The following HS1BP3 variants were observed in gnomAD, a reference collection of about 807,000 sequenced individuals.
HS1BP3 encodes the protein HCLS1 binding protein 3.
In HS1BP3, 32 loss-of-function variants were observed where a neutral mutation model predicts 33.5. The ratio of observed to expected loss-of-function variants is 0.95; its 90% CI spans 0.72 to 1.28. The LOEUF (loss-of-function observed/expected upper bound fraction) is 1.28. Ranked by LOEUF, HS1BP3 falls within the 50% of genes most tolerant of loss-of-function variation. The pLI is 0.00. For synonymous variants in HS1BP3, 187 were observed against 209.2 expected, an observed-to-expected ratio of 0.89 and a Z score of 0.92; for missense variants, 486 against 502.3, an observed-to-expected ratio of 0.97 and a Z score of 0.31.
At chr2:20,581,245 C>T (rs943834325) in intron 5 of HS1BP3, among the ~76,000 whole-genome samples, 1 of 152,218 alleles carries the variant, frequency 6.6e-6, no homozygotes, top group Non-Finnish European at 1.5e-5. Context: ...CGAAGCCTTC[C>T]ATTTATCTCA....
chr2:20,566,044 T>C (rs1437903401), intron 5 of HS1BP3, among the ~76,000 whole-genome samples: 2 of 152,166 alleles, frequency 1.3e-5, no homozygotes, highest in East Asian at 3.9e-4. Context: ...TCCACCAAGG[T>C]CGCAGTTAGC....
In HS1BP3 at chr2:20,623,737, G is replaced by A. The variant is rs529687830; in HGVS notation, c.920+159C>T. 2.7e-4 allele frequency: 208 copies of A among 768,988 alleles called. No homozygotes were observed. The highest frequency in any genetic ancestry group is 7.7e-4 in the Middle Eastern group (2 of 2,586). The allele number at this position is 768,988 out of a possible 1,614,324, so 47.6% of individuals were successfully genotyped here. On this transcript the variant is annotated intron_variant, in intron 6 of 6. Coordinates refer to ENST00000304031, the MANE Select transcript of HS1BP3 (RefSeq NM_022460.4). ...ATCCTCCCCCTCAGCCCCCTTCACC[G>A]CCTCTCACCCAATGTGCACCCACAG...
At chr2:20,561,541 C>T (rs1692996741) in intron 5 of HS1BP3, among the ~76,000 whole-genome samples, 1 of 152,072 alleles carries the variant, frequency 6.6e-6, no homozygotes, top group Non-Finnish European at 1.5e-5. Flanking sequence ...CATACAACCC[C>T]TCCCCACCTG....
At chr2:20,576,445 C>T (rs1054770904) in intron 5 of HS1BP3, among the ~76,000 whole-genome samples, 2 of 152,208 alleles carry the variant, frequency 1.3e-5, no homozygotes, top group Non-Finnish European at 2.9e-5. Context: ...TTAGCTCAGG[C>T]GTCCCGTTTT....
intron 2 of HS1BP3, among the ~76,000 whole-genome samples, chr2:20,641,656 A>G (rs1695354337): frequency 6.6e-6 from 1 of 152,170 alleles, no homozygotes; most frequent in African/African-American, 2.4e-5. Context: ...GTGGAGACAG[A>G]TATTTCCAAG....
chr2:20,602,257 G>A (rs563879452), intron 2 of HS1BP3, among the ~76,000 whole-genome samples: 9 of 151,848 alleles, frequency 5.9e-5, no homozygotes, highest in African/African-American at 9.7e-5. Context: ...AAAGAGCAAC[G>A]TCTCTTCTAA....
chr2:20,569,181 C>T (rs936710376), intron 5 of HS1BP3, among the ~76,000 whole-genome samples: 3 of 152,284 alleles, frequency 2.0e-5, no homozygotes, highest in Admixed American at 6.5e-5. Context: ...GCCCATGTCC[C>T]ACCACCCCCA....
At chr2:20,585,102 G>C (rs1006345445) in intron 5 of HS1BP3, among the ~76,000 whole-genome samples, 11 of 152,186 alleles carry the variant, frequency 7.2e-5, no homozygotes, top group African/African-American at 1.2e-4. Flanking sequence ...GCGTGGCGAG[G>C]CTGTGGCTGC....
At chr2:20,645,540 G>A in intron 1 of HS1BP3, 35 bp from the exon 2 acceptor site, 1 of 1,587,636 alleles carries the variant, frequency 6.3e-7, no homozygotes, top group Non-Finnish European at 8.6e-7. Context: ...GGGGTTCAGG[G>A]TCAAGGCAGT....
chr2:20,610,128 C>T (rs959739506), intron 2 of HS1BP3, among the ~76,000 whole-genome samples: 14 of 152,280 alleles, frequency 9.2e-5, no homozygotes, highest in African/African-American at 2.9e-4. Context: ...ATGCCTCCTG[C>T]CCCCACACAT....
At chr2:20,577,020 G>A (rs1572297074) in intron 5 of HS1BP3, among the ~76,000 whole-genome samples, 1 of 152,178 alleles carries the variant, frequency 6.6e-6, no homozygotes, top group African/African-American at 2.4e-5. Context: ...GAATTTACCT[G>A]GGAAGAGTAT....
chr2:20,587,824 C>T (rs752991234), downstream of HS1BP3, among the ~76,000 whole-genome samples: 5 of 152,204 alleles, frequency 3.3e-5, no homozygotes, highest in African/African-American at 4.8e-5. Context: ...TGGCCAGGAG[C>T]TGTGGGGAGC....
intron 2 of HS1BP3, among the ~76,000 whole-genome samples, chr2:20,644,226 C>T (rs1445320996): frequency 6.6e-6 from 1 of 152,074 alleles, no homozygotes; most frequent in Non-Finnish European, 1.5e-5. Flanking sequence ...GAAATTCTCT[C>T]CTCCCTTAGC....
chr2:20,645,611 T>A (rs1695495600), intron 1 of HS1BP3, 106 bp from the exon 2 acceptor site: 3 of 1,132,162 alleles, frequency 2.6e-6, no homozygotes, highest in African/African-American at 3.1e-5. Context: ...GGGTGCCAGG[T>A]GACTCTGCTG....
intron 2 of HS1BP3, among the ~76,000 whole-genome samples, chr2:20,599,609 A>AAC (rs59149167): frequency 0.4 from 53,865 of 136,002 alleles, 11,266 homozygotes; most frequent in East Asian, 0.51. Flanking sequence ...CTTCTTGTGT[A>AAC]ACACACACAC....
At chr2:20,597,270 C>T (rs776327651) in intron 3 of HS1BP3, among the ~76,000 whole-genome samples, 58 of 152,316 alleles carry the variant, frequency 3.8e-4, no homozygotes, top group Admixed American at 1.6e-3. Flanking sequence ...CCAGAGTAAC[C>T]ACGGCAACAC....
intron 2 of HS1BP3, among the ~76,000 whole-genome samples, chr2:20,599,416 C>G (rs1694019772): frequency 6.6e-6 from 1 of 152,222 alleles, no homozygotes; most frequent in African/African-American, 2.4e-5. Context: ...CTGTGTCACC[C>G]CAATTGTCCA....
chr2:20,647,795 AC>A (rs371706907), intron 1 of HS1BP3, among the ~76,000 whole-genome samples: 44 of 152,254 alleles, frequency 2.9e-4, no homozygotes, highest in African/African-American at 1.1e-3. Context: ...TGTGCCCTAG[AC>A]CAAGCTTCTC....
chr2:20,648,871 A>G (rs1695597298), intron 1 of HS1BP3, among the ~76,000 whole-genome samples: 1 of 152,256 alleles, frequency 6.6e-6, no homozygotes, highest in African/African-American at 2.4e-5. Flanking sequence ...TTCTTCCAGC[A>G]GCTTAGGCTG....
Sources: gnomAD v4.1 joint callset for allele counts (sites outside exome capture counted in the v4.1 genomes callset) on GRCh38, gnomAD v4.1.1 for gene constraint, MANE v1.5 for transcripts, NCBI Gene and HGNC (gene_info 2026-07-23, HGNC 2026-07-21) for gene names.